SCAI: variants seen among roughly 807,000 people sequenced by gnomAD.
SCAI encodes the protein protein SCAI.
In SCAI, 24 loss-of-function variants were observed where a neutral mutation model predicts 92.2. The observed-to-expected ratio is 0.26, with a 90% CI of 0.19 to 0.37. The LOEUF is 0.37. SCAI is among the 10% of genes least tolerant of loss of function. The probability of loss-of-function intolerance (pLI) is 1.00; values close to 1 mark genes in which losing one functional copy is unlikely to be tolerated. For missense variants in SCAI, 450 were observed against 736.2 expected (o/e 0.61, Z 4.50); for synonymous variants, 261 against 258.6 (o/e 1.01, Z -0.09).
intron 17 of SCAI, among the ~76,000 whole-genome samples, chr9:124,964,712 CA>C (rs761109118): frequency 8.1e-4 from 123 of 152,180 alleles, no homozygotes; most frequent in Non-Finnish European, 1.6e-3. Flanking sequence ...TGCCAAATAT[CA>C]AAAAAACTTT....
At chr9:124,998,027 A>T (rs1832278332) in intron 13 of SCAI, among the ~76,000 whole-genome samples, 1 of 151,918 alleles carries the variant, frequency 6.6e-6, no homozygotes, top group Non-Finnish European at 1.5e-5. Context: ...ATGGTCTCAA[A>T]CTCCTGGGTT....
chr9:125,011,970 C>A (rs1832650562), intron 9 of SCAI, among the ~76,000 whole-genome samples: 2 of 152,180 alleles, frequency 1.3e-5, no homozygotes, highest in South Asian at 4.1e-4. Context: ...ACTTCACAGA[C>A]AAGCAAATGC....
intron 3 of SCAI, among the ~76,000 whole-genome samples, chr9:125,034,506 C>T (rs566336246): frequency 4.0e-4 from 61 of 152,148 alleles, no homozygotes; most frequent in Middle Eastern, 3.4e-3. Context: ...GAGGCCTAGG[C>T]AGGTAGACAG....
intron 2 of SCAI, among the ~76,000 whole-genome samples, chr9:125,103,056 C>G (rs995575947): frequency 3.6e-4 from 55 of 152,130 alleles, no homozygotes; most frequent in African/African-American, 1.2e-3. Context: ...CATTTTTCCA[C>G]TCTCTCAAAG....
At chr9:125,005,519 C>T (rs572454785) in intron 9 of SCAI, among the ~76,000 whole-genome samples, 2 of 151,534 alleles carry the variant, frequency 1.3e-5, no homozygotes, top group South Asian at 2.1e-4. Context: ...TTAGTAGAGG[C>T]GGGGTTTCAC....
intron 2 of SCAI, among the ~76,000 whole-genome samples, chr9:125,071,514 G>T (rs75187844): frequency 0.023 from 3,527 of 152,292 alleles, 145 homozygotes; most frequent in African/African-American, 0.081. Context: ...GAGAGTTTAA[G>T]AAAAGGAAGC....
chr9:125,100,783 T>C (rs1236072413), intron 2 of SCAI, among the ~76,000 whole-genome samples: 1 of 152,042 alleles, frequency 6.6e-6, no homozygotes, highest in African/African-American at 2.4e-5. Flanking sequence ...TAAGATGACA[T>C]CTAAGCAAAA....
At chr9:125,089,709 T>C (rs1834392296) in intron 2 of SCAI, among the ~76,000 whole-genome samples, 1 of 152,080 alleles carries the variant, frequency 6.6e-6, no homozygotes, top group Admixed American at 6.5e-5. Context: ...GTTTGTTTGT[T>C]TTGTTTTAAG....
rs1833140551 is a variant in SCAI, at chr9:125,034,096, T to C, written c.231-4357A>G. Among the ~76,000 whole-genome samples the C allele has an allele frequency of 2.0e-5, 3 of 152,134 alleles. No individual in the cohort carries two copies. The South Asian group carries it at 6.2e-4, about 31-fold the overall frequency. The stretch of plus-strand genomic sequence containing the variant: ...CTTTAAGGACCTGTGGCTAAGTTAC[T>C]ATCCCTTAGGCCTGGTGCAGCAGAG... On this transcript the variant is annotated intron_variant, in intron 3 of 17. Coordinates refer to ENST00000336505, the MANE Select transcript of SCAI (RefSeq NM_001144877.3).
At chr9:125,004,748 TATATATATATATATATATATATATA>T (rs1564374442) in intron 9 of SCAI, among the ~76,000 whole-genome samples, 1 of 14,012 alleles carries the variant, frequency 7.1e-5, no homozygotes, top group Non-Finnish European at 1.3e-4. Flanking sequence ...TATATATATA[TATATATATATATATATATATATATA>T]TATATATTTT....
At chr9:125,103,168 AC>A (rs1245504395) in intron 2 of SCAI, among the ~76,000 whole-genome samples, 1 of 152,138 alleles carries the variant, frequency 6.6e-6, no homozygotes, top group Non-Finnish European at 1.5e-5. Flanking sequence ...TCCTGAAGAA[AC>A]TTTCTGACCC....
chr9:125,098,032 C>T (rs993377311), intron 2 of SCAI, among the ~76,000 whole-genome samples: 1 of 149,198 alleles, frequency 6.7e-6, no homozygotes, highest in Admixed American at 6.7e-5. Flanking sequence ...TATATCTATA[C>T]ACACACATAT....
chr9:125,027,930 A>T (rs974041174), intron 5 of SCAI, among the ~76,000 whole-genome samples: 1 of 152,212 alleles, frequency 6.6e-6, no homozygotes, highest in African/African-American at 2.4e-5. Flanking sequence ...TTCTGAACTC[A>T]GGGATGGGAC....
chr9:125,139,964 C>T (rs1047324967), intron 2 of SCAI, among the ~76,000 whole-genome samples: 6 of 152,212 alleles, frequency 3.9e-5, no homozygotes, highest in Non-Finnish European at 5.9e-5. Context: ...TGGTGGCTCA[C>T]GCCTGTAATC....
chr9:124,960,069 T>A (rs1703067805), intron 17 of SCAI, among the ~76,000 whole-genome samples: 1 of 152,114 alleles, frequency 6.6e-6, no homozygotes, highest in Admixed American at 6.5e-5. Flanking sequence ...GATTGCTGGG[T>A]CAAACGGTAT....
chr9:125,023,712 A>G (rs566673175), intron 6 of SCAI, among the ~76,000 whole-genome samples: 2 of 152,296 alleles, frequency 1.3e-5, no homozygotes, highest in Non-Finnish European at 2.9e-5. Flanking sequence ...ACAGTACAAA[A>G]ACAGGCCATG....
At chr9:125,111,735 G>C (rs1258272580) in intron 2 of SCAI, among the ~76,000 whole-genome samples, 1 of 152,064 alleles carries the variant, frequency 6.6e-6, no homozygotes, top group African/African-American at 2.4e-5. Flanking sequence ...TGATCTCTGA[G>C]GACAAAAGAA....
rs142344253 is a variant in SCAI at position 125,037,469 on chromosome 9, A to G, written c.231-7730T>C. On this transcript the variant is annotated intron_variant, in intron 3 of 17. Transcript: ENST00000336505. ...AAAAAGTACAAGTTGAAAAAGAACA[A>G]TCCCATGACCTAACCAATTCCATTT... Among the ~76,000 whole-genome samples, 18 of 152,210 alleles carry G rather than the reference A, an allele frequency of 1.2e-4. 1 individual carries two copies. The highest frequency in any genetic ancestry group is 4.3e-4 in the African/African-American group (18 of 41,544).
rs765417164 is a variant in SCAI, at chr9:124,971,815, G to A, written c.1429C>T (p.Leu477Phe). 2.4e-5 allele frequency: 38 copies of A among 1,605,692 alleles called. No individual in the cohort carries two copies. Among genetic ancestry groups the A allele is most frequent in the Non-Finnish European group, 3.2e-5 (38 of 1,178,000 alleles). The change falls in exon 16 of 18, where the codon CTC becomes TTC. Residue 477 changes from leucine (L) to phenylalanine (F), a missense_variant. Transcript: ENST00000336505. ...GCCATTAGAGGATTGTTCAAAAAGAGAGTGAAGAGGCTACCTCGCTGAGAT... is the reference window on the plus strand; with the variant it reads ...GCCATTAGAGGATTGTTCAAAAAGAAAGTGAAGAGGCTACCTCGCTGAGAT... ...DQSQRGSLFT[L>F]FLNNPLMAFL...
Sources: gnomAD v4.1 joint callset for allele counts (sites outside exome capture counted in the v4.1 genomes callset) on GRCh38, gnomAD v4.1.1 for gene constraint, MANE v1.5 for transcripts, NCBI Gene and HGNC (gene_info 2026-07-23, HGNC 2026-07-21) for gene names.